KMT2C: variants seen among roughly 807,000 people sequenced by gnomAD.
KMT2C encodes the protein lysine methyltransferase 2C.
In KMT2C, 88 loss-of-function variants were observed where a neutral mutation model predicts 507.9. The observed-to-expected ratio is 0.17, with a 90% CI of 0.15 to 0.21. The LOEUF (loss-of-function observed/expected upper bound fraction) is 0.21. Ranked by LOEUF, KMT2C falls within the 10% of genes least tolerant of loss-of-function variation. The pLI is 1.00. For missense variants in KMT2C, 4,954 were observed against 5,957.8 expected, an observed-to-expected ratio of 0.83 and a Z score of 5.55; for synonymous variants, 2,049 against 2,080.8, an observed-to-expected ratio of 0.98 and a Z score of 0.42.
At chr7:152,421,604 T>C (rs922130644) in intron 1 of KMT2C, among the ~76,000 whole-genome samples, 1 of 152,130 alleles carries the variant, frequency 6.6e-6, no homozygotes, top group Admixed American at 6.5e-5. Flanking sequence ...ATGGATGCAG[T>C]TGGAGGCCAT....
intron 13 of KMT2C, among the ~76,000 whole-genome samples, chr7:152,249,185 C>T (rs2095522883): frequency 6.6e-6 from 1 of 152,070 alleles, no homozygotes; most frequent in Non-Finnish European, 1.5e-5. Context: ...ATATCAGAAA[C>T]ATAGTCACTG....
chr7:152,254,222 C>T lies in KMT2C; in HGVS notation c.1300-1507G>A, dbSNP rs181108789. ...CTTGAGCCTAGGAGGTAGAATTCAGCCTGGGCAACACACAGAGACCCCATC... is the reference window on the plus strand; with the variant it reads ...CTTGAGCCTAGGAGGTAGAATTCAGTCTGGGCAACACACAGAGACCCCATC... On this transcript the variant is annotated intron_variant, in intron 9 of 58. Coordinates refer to ENST00000262189, the MANE Select transcript of KMT2C (RefSeq NM_170606.3). Among the ~76,000 whole-genome samples the T allele has an allele frequency of 4.6e-5, 7 of 152,064 alleles. No homozygotes were observed. The East Asian group carries it at 1.2e-3, about 25-fold the overall frequency.
rs1302255383 is a variant in KMT2C at position 152,249,642 on chromosome 7, C to T, written c.1813+234G>A. On this transcript the variant is annotated intron_variant, in intron 13 of 58. Coordinates refer to ENST00000262189, the MANE Select transcript of KMT2C (RefSeq NM_170606.3). The stretch of plus-strand genomic sequence containing the variant: ...CTACCAAGTAACAGATCTGAAAGTA[C>T]AAAATATTTTTAATCATGACCTCCC... Among the ~76,000 whole-genome samples the T allele has an allele frequency of 1.7e-4, 7 of 41,308 alleles. No individual in the cohort carries two copies. The South Asian group carries it at 6.0e-3, about 35-fold the overall frequency. 27.1% of individuals were successfully genotyped at this position (41,308 alleles called of 152,430 possible).
At chr7:152,266,634 G>A (rs1310716093) in intron 7 of KMT2C, among the ~76,000 whole-genome samples, 7 of 152,416 alleles carry the variant, frequency 4.6e-5, no homozygotes, top group African/African-American at 1.7e-4. Flanking sequence ...TTGAAACAGA[G>A]TAAAAATATA....
At chr7:152,303,532 G>C (rs1563789929) in intron 6 of KMT2C, among the ~76,000 whole-genome samples, 1 of 152,124 alleles carries the variant, frequency 6.6e-6, no homozygotes, top group Non-Finnish European at 1.5e-5. Flanking sequence ...TACTTTGTTA[G>C]GCACCAGAGA....
At position 152,182,446 on chromosome 7, in the gene KMT2C, C is replaced by T. The variant is rs2129121019; in HGVS notation, c.5414G>A (p.Gly1805Glu). 22 of 1,613,996 alleles carry T rather than the reference C, an allele frequency of 1.4e-5. No homozygotes were observed. Among genetic ancestry groups the T allele is most frequent in the Non-Finnish European group, 1.9e-5 (22 of 1,179,964 alleles). Reference protein sequence around the residue: ...VQSGSDTPSSGIQSPLTPQPG... With the variant: ...VQSGSDTPSSEIQSPLTPQPG... ...CTGAGGTGTCAAGGGACTCTGTATC[C>T]CACTACTTGGTGTATCTGAACCAGA... The change falls in exon 36 of 59, where the codon GGG becomes GAG. Residue 1805 changes from glycine to glutamate, a missense_variant. Physicochemically the swap from Gly to Glu is moderately conservative, Grantham distance 98. Around this residue, in one of 29 missense-constraint regions of KMT2C, gnomAD observed 1,689 missense variants for 1,654.3 expected, o/e 1.02. Transcript: ENST00000262189.
rs1587559294 is a variant in KMT2C, at chr7:152,136,521, C to A, written c.*311G>T. On this transcript the variant is annotated 3_prime_UTR_variant, in exon 59 of 59. Transcript: ENST00000262189. ...AGACTAGAAAACCAAAACAATGAAA[C>A]CCACCCACAAGGGAAAAACAAAACA... 1 of 315,342 alleles carries A rather than the reference C, an allele frequency of 3.2e-6. No homozygotes were observed. The highest frequency in any genetic ancestry group is 5.9e-6 in the Non-Finnish European group (1 of 169,434). The allele number at this position is 315,342 out of a possible 1,614,324, so 19.5% of individuals were successfully genotyped here.
At chr7:152,183,549 G>T (rs542669758) in intron 34 of KMT2C, among the ~76,000 whole-genome samples, 14 of 151,738 alleles carry the variant, frequency 9.2e-5, no homozygotes, top group South Asian at 2.1e-4. Context: ...ATCACCTGAC[G>T]TCAGGTGTTT....
intron 25 of KMT2C, among the ~76,000 whole-genome samples, chr7:152,204,098 A>G (rs982117638): frequency 6.6e-6 from 1 of 151,492 alleles, no homozygotes; most frequent in Non-Finnish European, 1.5e-5. Flanking sequence ...CACACAAACC[A>G]TCACTTGCCA....
At chr7:152,309,161 T>C (rs932282676) in intron 6 of KMT2C, among the ~76,000 whole-genome samples, 1 of 152,106 alleles carries the variant, frequency 6.6e-6, no homozygotes, top group African/African-American at 2.4e-5. Context: ...ATCAAATAGT[T>C]TTGTCTTAAA....
intron 1 of KMT2C, among the ~76,000 whole-genome samples, chr7:152,387,960 C>T (rs1430953985): frequency 2.6e-5 from 4 of 151,764 alleles, no homozygotes; most frequent in Non-Finnish European, 5.9e-5. Context: ...ATGAAAAGCA[C>T]ATATACCTTT....
At chr7:152,188,613 T>TC (rs1429629040) in intron 31 of KMT2C, among the ~76,000 whole-genome samples, 2 of 132,038 alleles carry the variant, frequency 1.5e-5, no homozygotes, top group Non-Finnish European at 3.1e-5. Flanking sequence ...TCCTTTTTTT[T>TC]TTTTTTTTTT....
intron 1 of KMT2C, among the ~76,000 whole-genome samples, chr7:152,387,553 C>T (rs1446020927): frequency 0.015 from 1,786 of 120,898 alleles, no homozygotes; most frequent in African/African-American, 0.035. Context: ...TCGCTGCAAG[C>T]TCTGCCTCCC....
At position 152,283,958 on chromosome 7, in the gene KMT2C, T is replaced by C. The variant is rs115722108; in HGVS notation, c.850-10091A>G. On this transcript the variant is annotated intron_variant, in intron 6 of 58. Transcript: ENST00000262189. ...CATCACTAGTAAACTCAAAAAAAGA[T>C]AGAAAAAAGCAATAACATTAAATTT... Among the ~76,000 whole-genome samples the C allele has an allele frequency of 4.1e-3, 620 of 151,786 alleles. 5 individuals carry two copies. Among genetic ancestry groups the C allele is most frequent in the African/African-American group, 0.014 (596 of 41,416 alleles).
intron 46 of KMT2C, chr7:152,154,775 G>C: frequency 5.0e-6 from 1 of 201,178 alleles, no homozygotes; most frequent in Non-Finnish European, 1.0e-5. Flanking sequence ...GTTGAGCCTA[G>C]GGCAGCACTC....
chr7:152,199,163 C>T (rs2094053927), intron 27 of KMT2C, 116 bp downstream of exon 27: 1 of 747,646 alleles, frequency 1.3e-6, no homozygotes. Flanking sequence ...TACTTCAATG[C>T]TGTTGATTTT....
intron 2 of KMT2C, among the ~76,000 whole-genome samples, chr7:152,342,961 G>A (rs1197808224): frequency 6.6e-6 from 1 of 152,134 alleles, no homozygotes; most frequent in African/African-American, 2.4e-5. Context: ...TAAAAGCAGT[G>A]AAAGGGCAGG....
chr7:152,247,608 A>G (rs2095493838), intron 14 of KMT2C, among the ~76,000 whole-genome samples: 1 of 152,428 alleles, frequency 6.6e-6, no homozygotes, highest in African/African-American at 2.4e-5. Context: ...TTACTGCAGC[A>G]CAGAACTAAA....
chr7:152,198,842 A>C (rs567132008), intron 27 of KMT2C, among the ~76,000 whole-genome samples: 1 of 152,302 alleles, frequency 6.6e-6, no homozygotes, highest in African/African-American at 2.4e-5. Flanking sequence ...GCAGTAAGAA[A>C]CCATGACCTA....
Sources: gnomAD v4.1 joint callset for allele counts (sites outside exome capture counted in the v4.1 genomes callset) on GRCh38, gnomAD v4.1.1 for gene constraint, gnomAD v4.1.1 regional missense constraint, MANE v1.5 for transcripts, NCBI Gene and HGNC (gene_info 2026-07-23, HGNC 2026-07-21) for gene names.